Variants in LRRC4C observed in about 807,000 individuals in gnomAD.
The protein encoded by LRRC4C is leucine-rich repeat-containing protein 4C.
LRRC4C carries 5 observed loss-of-function variants against 33.6 expected under a neutral mutation model. That is an observed-to-expected ratio of 0.15 (90% CI 0.08 to 0.31). LRRC4C has a LOEUF of 0.31. Ranked by LOEUF, LRRC4C falls within the 10% of genes least tolerant of loss-of-function variation. The probability of loss-of-function intolerance (pLI) is 1.00; values close to 1 mark genes in which losing one functional copy is unlikely to be tolerated. For synonymous variants in LRRC4C, 329 were observed against 302.0 expected (o/e 1.09, Z -0.93); for missense variants, 560 against 796.7 (o/e 0.70, Z 3.58).
chr11:41,229,619 A>G (rs1947694156), intron 1 of LRRC4C, among the ~76,000 whole-genome samples: 1 of 152,082 alleles, frequency 6.6e-6, no homozygotes, highest in East Asian at 1.9e-4. Flanking sequence ...TGTATGGCCA[A>G]TTTCTCAAAA....
intron 4 of LRRC4C, among the ~76,000 whole-genome samples, chr11:40,308,864 C>T (rs1446418258): frequency 1.3e-5 from 2 of 152,222 alleles, no homozygotes; most frequent in Non-Finnish European, 2.9e-5. Flanking sequence ...TCTAGTCATA[C>T]TTGAAGCTAC....
chr11:40,355,423 C>A (rs889880033), intron 3 of LRRC4C, among the ~76,000 whole-genome samples: 3 of 152,142 alleles, frequency 2.0e-5, no homozygotes, highest in African/African-American at 7.2e-5. Flanking sequence ...GTAGCCTAAA[C>A]TGCCTTTCAA....
At chr11:40,820,044 T>C (rs867477778) in intron 2 of LRRC4C, among the ~76,000 whole-genome samples, 1 of 150,430 alleles carries the variant, frequency 6.6e-6, no homozygotes, top group African/African-American at 2.4e-5. Context: ...AAAGCAAAAA[T>C]AGAAATCTAG....
chr11:40,651,968 A>G (rs7118251), intron 2 of LRRC4C, among the ~76,000 whole-genome samples: 23,387 of 152,206 alleles, frequency 0.15, 1,848 homozygotes, highest in Non-Finnish European at 0.18. Flanking sequence ...TTGTATCTGT[A>G]TGAGAGTTGT....
intron 3 of LRRC4C, among the ~76,000 whole-genome samples, chr11:40,546,640 T>C (rs1378610835): frequency 1.3e-5 from 2 of 152,102 alleles, no homozygotes; most frequent in Non-Finnish European, 2.9e-5. Flanking sequence ...ATAGTTGCAA[T>C]GCATACTTGC....
intron 3 of LRRC4C, among the ~76,000 whole-genome samples, chr11:40,439,898 G>T (rs959596739): frequency 1.3e-5 from 2 of 152,102 alleles, no homozygotes; most frequent in African/African-American, 2.4e-5. Context: ...CTAGACCAAG[G>T]GTAGGCAAAC....
chr11:40,613,159 G>C (rs1205849545), intron 3 of LRRC4C, among the ~76,000 whole-genome samples: 6 of 151,744 alleles, frequency 4.0e-5, no homozygotes, highest in African/African-American at 1.4e-4. Context: ...AAAGAAGTTT[G>C]GCACATCAAT....
At chr11:41,277,569 G>T (rs1949523408) in intron 1 of LRRC4C, among the ~76,000 whole-genome samples, 2 of 152,020 alleles carry the variant, frequency 1.3e-5, no homozygotes, top group Admixed American at 6.6e-5. Flanking sequence ...TACTTACCAG[G>T]TCAGTTCACA....
At chr11:41,150,456 T>A (rs985150362) in intron 1 of LRRC4C, among the ~76,000 whole-genome samples, 1 of 152,226 alleles carries the variant, frequency 6.6e-6, no homozygotes. Flanking sequence ...TGCTTGGGCA[T>A]GTGTCCTTAT....
chr11:40,945,915 G>A (rs1157181603), intron 1 of LRRC4C, among the ~76,000 whole-genome samples: 5 of 152,078 alleles, frequency 3.3e-5, no homozygotes, highest in African/African-American at 1.2e-4. Context: ...ACTTTTTTTA[G>A]TCTCAGGTTT....
chr11:41,237,172 G>A (rs557909298), intron 1 of LRRC4C, among the ~76,000 whole-genome samples: 150 of 152,292 alleles, frequency 9.8e-4, no homozygotes, highest in Non-Finnish European at 1.7e-3. Flanking sequence ...AAAGAGATCA[G>A]CATTATAAAA....
chr11:40,885,679 C>T (rs923010665), intron 2 of LRRC4C, among the ~76,000 whole-genome samples: 3 of 151,954 alleles, frequency 2.0e-5, no homozygotes, highest in Non-Finnish European at 2.9e-5. Flanking sequence ...ATCAAAAATG[C>T]TGTAAGGTAG....
At chr11:40,227,569 G>A (rs939961626) in intron 5 of LRRC4C, among the ~76,000 whole-genome samples, 3 of 152,100 alleles carry the variant, frequency 2.0e-5, no homozygotes, top group African/African-American at 7.2e-5. Flanking sequence ...ACAGGGAAAG[G>A]GAAAGAGGTG....
intron 1 of LRRC4C, among the ~76,000 whole-genome samples, chr11:41,284,406 T>C (rs1199910282): frequency 1.1e-4 from 17 of 152,220 alleles, no homozygotes; most frequent in Non-Finnish European, 2.5e-4. Context: ...TTTACAATTA[T>C]ATTTTTTTCT....
At chr11:41,426,852 C>T (rs1267390041) in intron 1 of LRRC4C, among the ~76,000 whole-genome samples, 1 of 152,160 alleles carries the variant, frequency 6.6e-6, no homozygotes, top group Non-Finnish European at 1.5e-5. Context: ...TCCCAGGCCT[C>T]TCTTCACATG....
At chr11:40,187,819 T>G (rs1240429265) in intron 5 of LRRC4C, among the ~76,000 whole-genome samples, 1 of 152,018 alleles carries the variant, frequency 6.6e-6, no homozygotes, top group Non-Finnish European at 1.5e-5. Flanking sequence ...AGAGAACAGA[T>G]GCAACAGACA....
At chr11:41,116,451 T>C (rs935306072) in intron 1 of LRRC4C, among the ~76,000 whole-genome samples, 2 of 152,174 alleles carry the variant, frequency 1.3e-5, no homozygotes, top group Non-Finnish European at 2.9e-5. Flanking sequence ...CTGTGATGAT[T>C]GGCTGATCCT....
chr11:40,247,549 T>A (rs1487608930), intron 4 of LRRC4C, among the ~76,000 whole-genome samples: 1 of 152,228 alleles, frequency 6.6e-6, no homozygotes, highest in Non-Finnish European at 1.5e-5. Context: ...TGAGATTCTA[T>A]CACTTATCAA....
At chr11:41,214,063 A>G (rs1946932040) in intron 1 of LRRC4C, among the ~76,000 whole-genome samples, 1 of 152,218 alleles carries the variant, frequency 6.6e-6, no homozygotes, top group South Asian at 2.1e-4. Context: ...CTGGTCTGTC[A>G]GAATTTGTCA....
Sources: gnomAD v4.1 joint callset for allele counts (sites outside exome capture counted in the v4.1 genomes callset) on GRCh38, gnomAD v4.1.1 for gene constraint, MANE v1.5 for transcripts, NCBI Gene and HGNC (gene_info 2026-07-23, HGNC 2026-07-21) for gene names.